Variants in TMEM179 observed in about 807,000 individuals in gnomAD.
TMEM179 encodes the protein transmembrane protein 179, also known as transmembrane protein 179A.
In TMEM179, 17 loss-of-function variants were observed where a neutral mutation model predicts 22.2. The ratio of observed to expected loss-of-function variants is 0.77; its 90% CI spans 0.52 to 1.15. The LOEUF (loss-of-function observed/expected upper bound fraction) is 1.15. Among genes scored for constraint, TMEM179 ranks in the 50% most tolerant of loss-of-function variants. The probability of loss-of-function intolerance (pLI) is 0.00; values close to 1 mark genes in which losing one functional copy is unlikely to be tolerated. For missense variants in TMEM179, 265 were observed against 313.6 expected (o/e 0.84, Z 1.17); for synonymous variants, 127 against 140.5 (o/e 0.90, Z 0.68).
At position 104,604,001 on chromosome 14, in the gene TMEM179, G is replaced by A. The variant is rs1323394977; in HGVS notation, c.305+436C>T. The stretch of plus-strand genomic sequence containing the variant: ...GCCGTCCCTTTCCCGGGGCGATGGT[G>A]CCGGGTGGGGCTCCCCAGTTCGCCT... On this transcript the variant is annotated intron_variant, in intron 1 of 3. Transcript: ENST00000556573. This position sits in a 1 kb window ranked among gnomAD's most constrained non-coding sequence, Gnocchi z 4.6. Among the ~76,000 whole-genome samples the A allele has an allele frequency of 1.3e-5, 2 of 152,208 alleles. No homozygotes were observed. The highest frequency in any genetic ancestry group is 3.9e-4 in the East Asian group (2 of 5,184).
intron 1 of TMEM179, among the ~76,000 whole-genome samples, chr14:104,603,849 G>T (rs1887325957): frequency 6.6e-6 from 1 of 152,212 alleles, no homozygotes; most frequent in Admixed American, 6.5e-5. Context: ...AGAGGAAAAT[G>T]CAGGCCAGGA....
At position 104,591,195 on chromosome 14, in the gene TMEM179, A is replaced by G; in HGVS notation, c.*2284T>C. 2.8e-6 allele frequency: 1 copy of G among 356,524 alleles called. No individual in the cohort carries two copies. The highest frequency in any genetic ancestry group is 5.5e-6 in the Non-Finnish European group (1 of 180,952). The allele number at this position is 356,524 out of a possible 1,614,324, so 22.1% of individuals were successfully genotyped here. ...CTGCATGCAGCCGAGGATTTCCATCACCCTGGCCATGGGGCTGTTCCACAC... is the reference window on the plus strand; with the variant it reads ...CTGCATGCAGCCGAGGATTTCCATCGCCCTGGCCATGGGGCTGTTCCACAC... On this transcript the variant is annotated 3_prime_UTR_variant, in exon 4 of 4. Transcript: ENST00000556573.
intron 1 of TMEM179, among the ~76,000 whole-genome samples, chr14:104,602,714 G>A (rs868365958): frequency 1.8e-4 from 27 of 152,298 alleles, no homozygotes; most frequent in Non-Finnish European, 4.4e-5. Context: ...CCCTGCGCCC[G>A]GCCTGACCCC....
intron 2 of TMEM179, among the ~76,000 whole-genome samples, chr14:104,596,425 T>C (rs531308759): frequency 1.3e-5 from 2 of 152,220 alleles, no homozygotes; most frequent in Admixed American, 1.3e-4. Flanking sequence ...AAGGCCTCCA[T>C]CCCCAACCCG....
rs942605568 is a variant in TMEM179 at position 104,597,662 on chromosome 14, C to T, written c.306-535G>A. ...AGCGAGCTCCCAGCAGATAACGACACAGCAAGAGGAACGGGCCCTCAGCAG... is the reference window on the plus strand; with the variant it reads ...AGCGAGCTCCCAGCAGATAACGACATAGCAAGAGGAACGGGCCCTCAGCAG... On this transcript the variant is annotated intron_variant, in intron 1 of 3. Coordinates refer to ENST00000556573, the MANE Select transcript of TMEM179 (RefSeq NM_001286389.2). The surrounding 1 kb of genome is among the most constrained non-coding windows in gnomAD (Gnocchi z 4.8). Among the ~76,000 whole-genome samples, 1 of 152,162 alleles carries T rather than the reference C, an allele frequency of 6.6e-6. No individual in the cohort carries two copies. The highest frequency in any genetic ancestry group is 1.5e-5 in the Non-Finnish European group (1 of 68,024).
At chr14:104,600,324 G>A (rs1260623429) in intron 1 of TMEM179, among the ~76,000 whole-genome samples, 1 of 152,224 alleles carries the variant, frequency 6.6e-6, no homozygotes, top group Non-Finnish European at 1.5e-5. Flanking sequence ...GCCGCTCAGG[G>A]TGCCCTGCCA....
rs1265609097 is a variant in TMEM179, at chr14:104,590,986, A to AC, written c.*2492dup. 5.5e-6 allele frequency: 1 copy of AC among 183,330 alleles called. No individual in the cohort carries two copies. The highest frequency in any genetic ancestry group is 1.2e-5 in the Non-Finnish European group (1 of 86,516). The allele number at this position is 183,330 out of a possible 1,614,324, so 11.4% of individuals were successfully genotyped here. The stretch of plus-strand genomic sequence containing the variant: ...GCAACTTGGTGGACCAGCCTCAGGA[A>AC]CCCCGGGTCATGCCTGCACTTCCCA... On this transcript the variant is annotated 3_prime_UTR_variant, in exon 4 of 4. Coordinates refer to ENST00000556573, the MANE Select transcript of TMEM179 (RefSeq NM_001286389.2).
In TMEM179 at chr14:104,593,012, G is replaced by C. The variant is rs926350076; in HGVS notation, c.*467C>G. The C allele has an allele frequency of 1.2e-5, 2 of 164,136 alleles. No homozygotes were observed. Among genetic ancestry groups the C allele is most frequent in the African/African-American group, 4.8e-5 (2 of 41,760 alleles). 10.2% of individuals were successfully genotyped at this position (164,136 alleles called of 1,614,324 possible). On this transcript the variant is annotated 3_prime_UTR_variant, in exon 4 of 4. Coordinates refer to ENST00000556573, the MANE Select transcript of TMEM179 (RefSeq NM_001286389.2). ...CTGGGGCCAGAGGCTGGAAGGTGCC[G>C]TGAGCTCCTCCCCACACGCAGCCTC...
In TMEM179 at chr14:104,595,255, G is replaced by A. The variant is rs769757260; in HGVS notation, c.444-12C>T. 1.6e-5 allele frequency: 26 copies of A among 1,611,486 alleles called. No homozygotes were observed. Among genetic ancestry groups the A allele is most frequent in the African/African-American group, 5.3e-5 (4 of 74,902 alleles). On this transcript the variant is annotated splice_polypyrimidine_tract_variant and intron_variant, in intron 2 of 3. Coordinates refer to ENST00000556573, the MANE Select transcript of TMEM179 (RefSeq NM_001286389.2). The surrounding 1 kb of genome is among the most constrained non-coding windows in gnomAD (Gnocchi z 5.7). ...GGAGCTCTTCACAGCTAAAACAGCAGGACATAGGGTGGAGGGTGACCACCA... is the reference window on the plus strand; with the variant it reads ...GGAGCTCTTCACAGCTAAAACAGCAAGACATAGGGTGGAGGGTGACCACCA...
intron 1 of TMEM179, among the ~76,000 whole-genome samples, chr14:104,599,997 T>A (rs1422179043): frequency 6.6e-6 from 1 of 152,144 alleles, no homozygotes; most frequent in Non-Finnish European, 1.5e-5. Flanking sequence ...CTCACCCCTA[T>A]GAAATGGCCC....
chr14:104,591,307 G>C lies in TMEM179; in HGVS notation c.*2172C>G. The C allele has an allele frequency of 2.2e-6, 1 of 451,364 alleles. No individual in the cohort carries two copies. The highest frequency in any genetic ancestry group is 1.6e-5 in the South Asian group (1 of 63,858). The allele number at this position is 451,364 out of a possible 1,614,324, so 28.0% of individuals were successfully genotyped here. On this transcript the variant is annotated 3_prime_UTR_variant, in exon 4 of 4. Transcript: ENST00000556573. The stretch of plus-strand genomic sequence containing the variant: ...GTTCCAGAAGCCACCCCTGCCTCCT[G>C]CCCCTCCTTCAGGGCCCTAGATGGC...
Position 104,591,728 on chromosome 14 carries a change from AAGCC to A in TMEM179, c.*1747_*1750del, listed in dbSNP as rs1886850674. 1 of 286,740 alleles carries A rather than the reference AAGCC, an allele frequency of 3.5e-6. No homozygotes were observed. Among genetic ancestry groups the A allele is most frequent in the Non-Finnish European group, 6.8e-6 (1 of 147,528 alleles). The allele number at this position is 286,740 out of a possible 1,614,324, so 17.8% of individuals were successfully genotyped here. A position where few individuals can be genotyped will look rare whatever the true frequency, so the allele number is the denominator to read the frequency against. On this transcript the variant is annotated 3_prime_UTR_variant, in exon 4 of 4. Transcript: ENST00000556573. ...CTGGTGCCCAGCCACCCAGAGACAC[AAGCC>A]AGCTGCTGATGGTGGACAGGGTGGG... is the stretch of plus-strand genomic sequence containing the variant.
rs1886833008 is a variant in TMEM179 at position 104,591,170 on chromosome 14, C to T, written c.*2309G>A. 2 of 357,448 alleles carry T rather than the reference C, an allele frequency of 5.6e-6. No individual in the cohort carries two copies. The highest frequency in any genetic ancestry group is 2.1e-5 in the South Asian group (1 of 48,450). 22.1% of individuals were successfully genotyped at this position (357,448 alleles called of 1,614,324 possible). On this transcript the variant is annotated 3_prime_UTR_variant, in exon 4 of 4. Transcript: ENST00000556573. ...AGCCCAGTCCAGGGTGGGTCTATGT[C>T]TGCATGCAGCCGAGGATTTCCATCA...
chr14:104,604,326 G>T lies in TMEM179; in HGVS notation c.305+111C>A. 1 of 1,206,834 alleles carries T rather than the reference G, an allele frequency of 8.3e-7. No individual in the cohort carries two copies. Among genetic ancestry groups the T allele is most frequent in the Non-Finnish European group, 1.1e-6 (1 of 907,802 alleles). The allele number at this position is 1,206,834 out of a possible 1,614,324, so 74.8% of individuals were successfully genotyped here. A position where few individuals can be genotyped will look rare whatever the true frequency, so the allele number is the denominator to read the frequency against. On this transcript the variant is annotated intron_variant, in intron 1 of 3. Transcript: ENST00000556573. This position sits in a 1 kb window ranked among gnomAD's most constrained non-coding sequence, Gnocchi z 4.6. Reference sequence around the variant, plus strand: ...GAGGGCGGATTGTTGACATTTGCGGGCCTCGGAGCTGCCTGAGAGACGGAG... The same window carrying T: ...GAGGGCGGATTGTTGACATTTGCGGTCCTCGGAGCTGCCTGAGAGACGGAG...
intron 1 of TMEM179, among the ~76,000 whole-genome samples, chr14:104,603,670 G>A (rs1470672625): frequency 1.3e-5 from 2 of 151,108 alleles, no homozygotes; most frequent in African/African-American, 4.9e-5. Flanking sequence ...GTTCACAGAG[G>A]GAGTGGGTGG....
intron 1 of TMEM179, among the ~76,000 whole-genome samples, chr14:104,598,164 G>A (rs76814181): frequency 0.07 from 10,689 of 152,236 alleles, 517 homozygotes; most frequent in Middle Eastern, 0.2. Flanking sequence ...AAAGTCCCTC[G>A]AATGGGCCTG....
chr14:104,598,488 G>A (rs1482100215), intron 1 of TMEM179, among the ~76,000 whole-genome samples: 3 of 152,234 alleles, frequency 2.0e-5, no homozygotes, highest in Non-Finnish European at 2.9e-5. Context: ...ATCCGAACTC[G>A]GCAGCTGCTG....
chr14:104,594,805 A>C, intron 3 of TMEM179: 1 of 1,220,088 alleles, frequency 8.2e-7, no homozygotes, highest in Non-Finnish European at 1.0e-6. Context: ...CGCCAGCACC[A>C]AAGTCCAAAG....
At chr14:104,600,922 G>A (rs1887216391) in intron 1 of TMEM179, among the ~76,000 whole-genome samples, 1 of 152,212 alleles carries the variant, frequency 6.6e-6, no homozygotes, top group Non-Finnish European at 1.5e-5. Flanking sequence ...CCCTTTAGAG[G>A]GTTAGAGCAT....
Sources: allele counts gnomAD v4.1 joint callset (sites outside exome capture counted in the v4.1 genomes callset), GRCh38; gene constraint gnomAD v4.1.1; non-coding constraint Gnocchi (gnomAD v3.1); transcripts MANE v1.5; gene names NCBI Gene and HGNC (gene_info 2026-07-23, HGNC 2026-07-21).